Variants in PYGM observed in about 807,000 individuals in gnomAD.
PYGM encodes glycogen phosphorylase, muscle associated, also known as glycogen phosphorylase, muscle form.
A neutral mutation model predicts 99.3 loss-of-function variants in PYGM; 81 were observed. That is an observed-to-expected ratio of 0.82 (90% CI 0.68 to 0.98). The LOEUF is 0.98. Ranked by LOEUF, PYGM falls within the 50% of genes least tolerant of loss-of-function variation. PYGM has a pLI of 0.00. For missense variants in PYGM, 1,030 were observed against 1,158.1 expected, an observed-to-expected ratio of 0.89 and a Z score of 1.61; for synonymous variants, 436 against 451.5, an observed-to-expected ratio of 0.97 and a Z score of 0.44.
chr11:64,751,973 T>C lies in PYGM; in HGVS notation c.1719A>G (p.Glu573=), dbSNP rs2135830648. 2.5e-6 allele frequency: 4 copies of C among 1,614,186 alleles called. No individual in the cohort carries two copies. Among genetic ancestry groups the C allele is most frequent in the Non-Finnish European group, 2.5e-6 (3 of 1,180,024 alleles). The change falls in exon 14 of 20, where the codon GAA becomes GAG. Residue 573 remains glutamate, a synonymous_variant. Transcript: ENST00000164139. The stretch of plus-strand genomic sequence containing the variant: ...GGCAGTTGAGGAGCTGTCGTTTATA[T>C]TCGTGAATCCGCTTCACCTGGATGT... ...LFDIQVKRIH[E]YKRQLLNCLH...
At chr11:64,750,315 A>G (rs1753130883) in intron 17 of PYGM, 61 bp downstream of exon 17, 3 of 1,589,262 alleles carry the variant, frequency 1.9e-6, no homozygotes, top group Admixed American at 3.3e-5. Flanking sequence ...GCTTGCTCCC[A>G]GCACCACTCT....
rs189761611 is a variant in PYGM, at chr11:64,749,276, G to A, written c.2177+1100C>T. 3.0e-3 allele frequency among the ~76,000 whole-genome samples: 458 copies of A among 152,258 alleles called. 1 individual carries two copies. The highest frequency in any genetic ancestry group is 0.01 in the Middle Eastern group (3 of 294). On this transcript the variant is annotated intron_variant, in intron 17 of 19. Coordinates refer to ENST00000164139, the MANE Select transcript of PYGM (RefSeq NM_005609.4). The stretch of plus-strand genomic sequence containing the variant: ...GCAGGAGAATCGCTTGTACCCGGGC[G>A]GTGGAGGTTGCGGTGAGCCAAGATC...
upstream of PYGM, chr11:64,760,113 G>A (rs2058425195): frequency 2.7e-6 from 2 of 733,360 alleles, no homozygotes; most frequent in Admixed American, 3.0e-5. Context: ...GGGAGGGAGA[G>A]GTGAGCTCCA....
Position 64,753,580 on chromosome 11 carries a change from C to G in PYGM, c.1342G>C (p.Ala448Pro), listed in dbSNP as rs749358752. ...ACGCCGTTGACGGCGTGCGACCCCG[C>G]GATGCACAGGTGTGCCATGTTGATG... ...KRINMAHLCI[A>P]GSHAVNGVAR... The change falls in exon 11 of 20, where the codon GCG becomes CCG. Residue 448 changes from alanine (A) to proline (P), a missense_variant. By Grantham distance (27) the Ala-to-Pro change is conservative. Transcript: ENST00000164139. 10 of 1,606,252 alleles carry G rather than the reference C, an allele frequency of 6.2e-6. No individual in the cohort carries two copies. The highest frequency in any genetic ancestry group is 7.6e-6 in the Non-Finnish European group (9 of 1,178,418).
In PYGM at chr11:64,754,763, C is replaced by T. The variant is rs759130375; in HGVS notation, c.929G>A (p.Arg310His). Residue 310 changes from arginine to histidine, a missense_variant, in exon 8 of 20, where the codon CGT becomes CAT. Coordinates refer to ENST00000164139, the MANE Select transcript of PYGM (RefSeq NM_005609.4). The surrounding 1 kb of genome is among the most constrained non-coding windows in gnomAD (Gnocchi z 5.5). ...GCCGAACTTGGAAGACTTGAAGCGA[C>T]GGATGATGTCCTGGAGGGTGGCAGC... ...VVAATLQDII[R>H]RFKSSKFGCR... The T allele has an allele frequency of 4.8e-5, 78 of 1,613,754 alleles. No individual in the cohort carries two copies. Among genetic ancestry groups the T allele is most frequent in the Non-Finnish European group, 5.9e-5 (70 of 1,179,982 alleles).
chr11:64,757,939 G>A (rs903861924), intron 4 of PYGM, 29 bp from the exon 5 acceptor site: 6 of 1,613,184 alleles, frequency 3.7e-6, no homozygotes, highest in Non-Finnish European at 4.2e-6. Flanking sequence ...AGGGAGAAAG[G>A]CCAGCAGTAT....
rs2058385888 is a variant in PYGM at position 64,755,196 on chromosome 11, G to C, written c.855+77C>G. On this transcript the variant is annotated intron_variant, in intron 7 of 19. Transcript: ENST00000164139. This position sits in a 1 kb window ranked among gnomAD's most constrained non-coding sequence, Gnocchi z 4.1. ...CTGGGTGTGACTAGGGCACCAGCAA[G>C]TGTCCTTCCCCAGCTCTCCCTGACC... is the stretch of plus-strand genomic sequence containing the variant. 1 of 1,491,578 alleles carries C rather than the reference G, an allele frequency of 6.7e-7. No individual in the cohort carries two copies. Among genetic ancestry groups the C allele is most frequent in the South Asian group, 1.1e-5 (1 of 88,170 alleles). 92.4% of individuals were successfully genotyped at this position (1,491,578 alleles called of 1,614,324 possible).
intron 1 of PYGM, 83 bp from the exon 2 acceptor site, chr11:64,758,787 T>C (rs1204270942): frequency 8.1e-7 from 1 of 1,236,850 alleles, no homozygotes; most frequent in African/African-American, 1.5e-5. Flanking sequence ...CCTGGACCTC[T>C]GGCCCGCCTG....
At position 64,750,372 on chromosome 11, in the gene PYGM, A is replaced by G; in HGVS notation, c.2177+4T>C. On this transcript the variant is annotated splice_donor_region_variant and intron_variant, in intron 17 of 19. Transcript: ENST00000164139. ...CTTTTGCCCGTGAACCCTGACCCCC[A>G]TACCCTCTTTGGTCAAGCTTATCCA... 2 of 1,613,900 alleles carry G rather than the reference A, an allele frequency of 1.2e-6. No homozygotes were observed. Among genetic ancestry groups the G allele is most frequent in the South Asian group, 1.1e-5 (1 of 91,064 alleles).
chr11:64,752,926 T>G, intron 12 of PYGM, 147 bp downstream of exon 12: 1 of 834,182 alleles, frequency 1.2e-6, no homozygotes. Flanking sequence ...CTCCTCCAGG[T>G]GGATGCGAGG....
Position 64,753,126 on chromosome 11 carries a change from G to T in PYGM, c.1465C>A (p.Pro489Thr). 4 of 1,614,146 alleles carry T rather than the reference G, an allele frequency of 2.5e-6. No homozygotes were observed. The highest frequency in any genetic ancestry group is 3.4e-6 in the Non-Finnish European group (4 of 1,180,004). Residue 489 changes from proline to threonine, a missense_variant, in exon 12 of 20, where the codon CCT becomes ACT. Pro to Thr is a conservative substitution (Grantham distance 38). Transcript: ENST00000164139. ...KFQNKTNGIT[P>T]RRWLVLCNPG... The stretch of plus-strand genomic sequence containing the variant: ...TTACACAGAACCAGCCAGCGCCGAG[G>T]GGTGATGCCGTTGGTCTTATTCTGG...
At chr11:64,747,400 C>G (rs1396308439) in intron 17 of PYGM, 42 bp from the exon 18 acceptor site, 2 of 1,613,240 alleles carry the variant, frequency 1.2e-6, no homozygotes, top group Non-Finnish European at 1.7e-6. Context: ...GAAAGGGGTT[C>G]CTGGCTCCTC....
Position 64,755,152 on chromosome 11 carries a change from A to T in PYGM, c.855+121T>A. Reference sequence around the variant, plus strand: ...GACTTGAGGTGGGGGCACAGGATGCACAAGGCCAGCAATATGCCCTGGGTG... The same window carrying T: ...GACTTGAGGTGGGGGCACAGGATGCTCAAGGCCAGCAATATGCCCTGGGTG... On this transcript the variant is annotated intron_variant, in intron 7 of 19. Coordinates refer to ENST00000164139, the MANE Select transcript of PYGM (RefSeq NM_005609.4). This position sits in a 1 kb window ranked among gnomAD's most constrained non-coding sequence, Gnocchi z 4.1. 8.3e-7 allele frequency: 1 copy of T among 1,204,418 alleles called. No homozygotes were observed. The highest frequency in any genetic ancestry group is 1.2e-6 in the Non-Finnish European group (1 of 823,940). 74.6% of individuals were successfully genotyped at this position (1,204,418 alleles called of 1,614,324 possible). A position where few individuals can be genotyped will look rare whatever the true frequency, so the allele number is the denominator to read the frequency against.
intron 16 of PYGM, chr11:64,751,033 A>G: frequency 2.4e-6 from 1 of 423,040 alleles, no homozygotes. Flanking sequence ...CTGGGATTAT[A>G]GGCACCTGCC....
chr11:64,748,042 A>G (rs1225685599), intron 17 of PYGM: 2 of 147,622 alleles, frequency 1.4e-5, no homozygotes, highest in East Asian at 4.2e-4. Context: ...CTCCATCTCA[A>G]AAAAAAAAAA....
In PYGM at chr11:64,754,101, GC is replaced by G. The variant is rs899053170; in HGVS notation, c.1093-77del. 1.4e-5 allele frequency: 23 copies of G among 1,602,922 alleles called. No homozygotes were observed. The highest frequency in any genetic ancestry group is 8.5e-5 in the Admixed American group (5 of 58,934). ...CCTCACACACTACGCATCCCAGTGG[GC>G]CCCCCCACTGCAGTGCCAGGTTCCA... On this transcript the variant is annotated intron_variant, in intron 9 of 19. Coordinates refer to ENST00000164139, the MANE Select transcript of PYGM (RefSeq NM_005609.4). This position sits in a 1 kb window ranked among gnomAD's most constrained non-coding sequence, Gnocchi z 5.5.
At position 64,750,442 on chromosome 11, in the gene PYGM, G is replaced by A. The variant is rs1483102315; in HGVS notation, c.2111C>T (p.Ala704Val). Reference protein sequence around the residue: ...DGANVEMAEEAGEENFFIFGM... With the variant: ...DGANVEMAEEVGEENFFIFGM... Reference sequence around the variant, plus strand: ...AAAGATGAAGAAGTTTTCCTCTCCCGCCTCTTCTGCCATCTCCACATTGGC... The same window carrying A: ...AAAGATGAAGAAGTTTTCCTCTCCCACCTCTTCTGCCATCTCCACATTGGC... Residue 704 changes from alanine to valine, a missense_variant, in exon 17 of 20, where the codon GCG becomes GTG. Coordinates refer to ENST00000164139, the MANE Select transcript of PYGM (RefSeq NM_005609.4). 12 of 1,613,852 alleles carry A rather than the reference G, an allele frequency of 7.4e-6. No homozygotes were observed. The highest frequency in any genetic ancestry group is 1.3e-5 in the African/African-American group (1 of 74,848).
rs748394718 is a variant in PYGM at position 64,754,362 on chromosome 11, G to T, written c.1000-17C>A. The T allele has an allele frequency of 4.4e-6, 7 of 1,574,176 alleles. No homozygotes were observed. The African/African-American group carries it at 9.5e-5, about 21-fold the overall frequency. ...GATGGCCACCTGGGGTAGGGGGAGGGGTCAGTCTGGGCTCCAAACCACATT... is the reference window on the plus strand; with the variant it reads ...GATGGCCACCTGGGGTAGGGGGAGGTGTCAGTCTGGGCTCCAAACCACATT... On this transcript the variant is annotated splice_polypyrimidine_tract_variant and intron_variant, in intron 8 of 19. Transcript: ENST00000164139. This position sits in a 1 kb window ranked among gnomAD's most constrained non-coding sequence, Gnocchi z 5.5.
At position 64,746,936 on chromosome 11, in the gene PYGM, G is replaced by A. The variant is rs1162487973; in HGVS notation, c.2364C>T (p.Val788=). The change falls in exon 19 of 20, where the codon GTC becomes GTT. Residue 788 remains valine (V), a synonymous_variant. Transcript: ENST00000164139. ...GACCCCTCACCTTGTACAAGGCGCT[G>A]ACTTTCTCCTGGCATTTAATGTAGT... The part of the protein sequence containing the change: ...YEDYIKCQEK[V]SALYKNPREW... 2.8e-5 allele frequency: 46 copies of A among 1,614,088 alleles called. No individual in the cohort carries two copies. The highest frequency in any genetic ancestry group is 3.9e-5 in the Non-Finnish European group (46 of 1,180,040).
Sources: gnomAD v4.1 joint callset for allele counts (sites outside exome capture counted in the v4.1 genomes callset) on GRCh38, gnomAD v4.1.1 for gene constraint, Gnocchi (gnomAD v3.1) non-coding constraint, MANE v1.5 for transcripts, NCBI Gene and HGNC (gene_info 2026-07-23, HGNC 2026-07-21) for gene names.